Variants in NR1H4 observed in about 807,000 individuals in gnomAD.
The protein encoded by NR1H4 is nuclear receptor subfamily 1 group H member 4.
In NR1H4, 23 loss-of-function variants were observed where a neutral mutation model predicts 58.5. That is an observed-to-expected ratio of 0.39 (90% CI 0.28 to 0.56). NR1H4 has a LOEUF of 0.56. Ranked by LOEUF, NR1H4 falls within the 20% of genes least tolerant of loss-of-function variation. NR1H4 has a pLI of 0.58. For missense variants in NR1H4, 487 were observed against 576.9 expected (o/e 0.84, Z 1.60); for synonymous variants, 214 against 198.0 (o/e 1.08, Z -0.68).
At chr12:100,545,666 A>C (rs974070483) in intron 9 of NR1H4, among the ~76,000 whole-genome samples, 5 of 145,554 alleles carry the variant, frequency 3.4e-5, no homozygotes, top group Non-Finnish European at 6.0e-5. Flanking sequence ...AAAAAAAAAA[A>C]AAACCAAACG....
chr12:100,503,458 G>A (rs1251343765), intron 3 of NR1H4: 1 of 1,597,592 alleles, frequency 6.3e-7, no homozygotes, highest in Non-Finnish European at 8.5e-7. Flanking sequence ...ACGCCGTCAG[G>A]ATTTTTCATG....
At chr12:100,545,652 A>AAAAAAACAAAC in intron 9 of NR1H4, among the ~76,000 whole-genome samples, 1 of 146,152 alleles carries the variant, frequency 6.8e-6, no homozygotes, top group Admixed American at 6.8e-5. Flanking sequence ...AAAAAAAAAA[A>AAAAAAACAAAC]AAAAAAAAAA....
At chr12:100,550,063 C>T (rs575635949) in intron 9 of NR1H4, among the ~76,000 whole-genome samples, 2 of 152,222 alleles carry the variant, frequency 1.3e-5, no homozygotes, top group Middle Eastern at 6.8e-3. Context: ...CAAATTCATA[C>T]TCTTTTGTTT....
chr12:100,518,198 A>C (rs1025215888), intron 4 of NR1H4, among the ~76,000 whole-genome samples: 2 of 152,214 alleles, frequency 1.3e-5, no homozygotes, highest in African/African-American at 2.4e-5. Flanking sequence ...GGGGCATGGC[A>C]GGGTAAATAG....
Position 100,536,610 on chromosome 12 carries a change from T to A in NR1H4, c.831T>A (p.Ile277=), listed in dbSNP as rs747119114. The change falls in exon 7 of 11, where the codon ATT becomes ATA. Residue 277 remains isoleucine, a splice_region_variant and synonymous_variant. Transcript: ENST00000392986. ...TGCCTCAGGAAATAACAAATAAAAT[T>A]GTATGTATAATATCTGAAAATATGT... ...QRMPQEITNK[I]LKEEFSAEEN... is the part of the protein sequence containing the mutation. 1.6e-5 allele frequency: 23 copies of A among 1,460,154 alleles called. No individual in the cohort carries two copies. Among genetic ancestry groups the A allele is most frequent in the Non-Finnish European group, 2.2e-5 (23 of 1,040,088 alleles). The allele number at this position is 1,460,154 out of a possible 1,614,324, so 90.4% of individuals were successfully genotyped here. A position where few individuals can be genotyped will look rare whatever the true frequency, so the allele number is the denominator to read the frequency against.
intron 9 of NR1H4, among the ~76,000 whole-genome samples, chr12:100,554,689 A>C (rs1955283959): frequency 6.6e-6 from 1 of 152,214 alleles, no homozygotes; most frequent in African/African-American, 2.4e-5. Context: ...GTTAAGTTAG[A>C]AAATAGCCCC....
rs1954377790 is a variant in NR1H4, at chr12:100,520,162, C to G, written c.445+9019C>G. ...CGCAGCCCACTTCCCCCATGCACAT[C>G]TCTTGATATCTGCACTCAGCAGATG... is the stretch of plus-strand genomic sequence containing the variant. On this transcript the variant is annotated intron_variant, in intron 4 of 10. Transcript: ENST00000392986. 2.0e-5 allele frequency among the ~76,000 whole-genome samples: 3 copies of G among 152,158 alleles called. No homozygotes were observed. In the South Asian group the frequency reaches 6.2e-4, roughly 31 times the overall value.
intron 4 of NR1H4, among the ~76,000 whole-genome samples, chr12:100,512,750 GGGTC>G: frequency 6.6e-6 from 1 of 152,140 alleles, no homozygotes; most frequent in African/African-American, 2.4e-5. Flanking sequence ...CACCTACCAT[GGGTC>G]AGGCACTCTG....
intron 1 of NR1H4, 53 bp from the exon 2 acceptor site, chr12:100,492,450 G>T (rs1953625872): frequency 6.6e-6 from 1 of 152,176 alleles, no homozygotes; most frequent in Non-Finnish European, 1.5e-5. Flanking sequence ...AAGAGATTCT[G>T]ACAGCACACA....
rs1348899542 is a variant in NR1H4, at chr12:100,493,297, A to G, written c.-27A>G. 2.6e-6 allele frequency: 3 copies of G among 1,162,520 alleles called. No homozygotes were observed. In the African/African-American group the frequency reaches 4.5e-5, roughly 17 times the overall value. 72.0% of individuals were successfully genotyped at this position (1,162,520 alleles called of 1,614,324 possible). On this transcript the variant is annotated 5_prime_UTR_variant, in exon 3 of 11. Coordinates refer to ENST00000392986, the MANE Select transcript of NR1H4 (RefSeq NM_001206979.2). ...GTTTTTTTTGAAGACCACCATAAAGAAAGTGCATTTCAATTGAAAAATTTG... is the reference window on the plus strand; with the variant it reads ...GTTTTTTTTGAAGACCACCATAAAGGAAGTGCATTTCAATTGAAAAATTTG...
At chr12:100,527,108 C>A (rs1331686160) in intron 4 of NR1H4, among the ~76,000 whole-genome samples, 4 of 152,152 alleles carry the variant, frequency 2.6e-5, no homozygotes, top group Non-Finnish European at 5.9e-5. Context: ...AAACTGGGGA[C>A]GGTAACAAAT....
At chr12:100,480,541 T>G (rs929404338) in intron 1 of NR1H4, among the ~76,000 whole-genome samples, 3 of 152,176 alleles carry the variant, frequency 2.0e-5, no homozygotes, top group African/African-American at 7.2e-5. Context: ...CCACCTCCTA[T>G]GGGAATTTTC....
chr12:100,508,181 G>A (rs746148796), intron 3 of NR1H4, among the ~76,000 whole-genome samples: 12 of 152,082 alleles, frequency 7.9e-5, no homozygotes, highest in Non-Finnish European at 1.5e-4. Flanking sequence ...GAGGTAAGTG[G>A]ACATTAGTGA....
intron 3 of NR1H4, chr12:100,505,656 A>C: frequency 2.9e-6 from 2 of 699,918 alleles, no homozygotes; most frequent in Non-Finnish European, 5.2e-6. Context: ...AACCGTCACA[A>C]AGGAATCCTA....
chr12:100,498,145 G>C (rs946210295), intron 3 of NR1H4, among the ~76,000 whole-genome samples: 26 of 152,214 alleles, frequency 1.7e-4, no homozygotes, highest in Non-Finnish European at 5.9e-5. Context: ...TGGGAGGAAG[G>C]AATGGGCTGT....
chr12:100,540,162 C>T (rs1246860273), intron 8 of NR1H4, among the ~76,000 whole-genome samples: 1 of 152,176 alleles, frequency 6.6e-6, no homozygotes, highest in Non-Finnish European at 1.5e-5. Flanking sequence ...TTTCCCCCAC[C>T]CTGTGTGTCG....
At chr12:100,489,771 C>A (rs1953567971) in intron 1 of NR1H4, among the ~76,000 whole-genome samples, 1 of 152,076 alleles carries the variant, frequency 6.6e-6, no homozygotes, top group Admixed American at 6.5e-5. Context: ...GCTGGGAAGA[C>A]TTTTTTTCAG....
chr12:100,548,491 C>A (rs1194908861), intron 9 of NR1H4, among the ~76,000 whole-genome samples: 3 of 152,118 alleles, frequency 2.0e-5, no homozygotes, highest in African/African-American at 7.2e-5. Flanking sequence ...CAGAATATCT[C>A]CTCATATTTC....
At chr12:100,541,690 G>A (rs1954939752) in intron 9 of NR1H4, among the ~76,000 whole-genome samples, 3 of 151,696 alleles carry the variant, frequency 2.0e-5, no homozygotes, top group Admixed American at 6.6e-5. Context: ...TTTCCCCTGG[G>A]TTCAAGTGAT....
Sources: gnomAD v4.1 joint callset for allele counts (sites outside exome capture counted in the v4.1 genomes callset) on GRCh38, gnomAD v4.1.1 for gene constraint, MANE v1.5 for transcripts, NCBI Gene and HGNC (gene_info 2026-07-23, HGNC 2026-07-21) for gene names.